CYLC2: variants seen among roughly 807,000 people sequenced by gnomAD.
CYLC2 encodes cylicin 2.
In CYLC2, 30 loss-of-function variants were observed where a neutral mutation model predicts 26.1. That is an observed-to-expected ratio of 1.15 (90% confidence interval 0.86 to 1.56). The LOEUF (loss-of-function observed/expected upper bound fraction) is 1.56, where lower values mean the gene tolerates loss of function less well. CYLC2 is among the 40% of genes most tolerant of loss of function. CYLC2 has a pLI of 0.00. For synonymous variants in CYLC2, 158 were observed against 132.8 expected (o/e 1.19, Z -1.31); for missense variants, 498 against 394.4 (o/e 1.26, Z -2.23).
chr9:103,013,757 T>C (rs1473053605), intron 6 of CYLC2, among the ~76,000 whole-genome samples: 3 of 111,322 alleles, frequency 2.7e-5, no homozygotes, highest in Non-Finnish European at 4.9e-5. Context: ...ATATTATATA[T>C]AATTATATTT....
Position 103,003,375 on chromosome 9 carries a change from T to C in CYLC2, c.180+112T>C, listed in dbSNP as rs1368162743. The C allele has an allele frequency of 5.4e-5, 50 of 931,926 alleles. 1 individual carries two copies. The highest frequency in any genetic ancestry group is 7.5e-5 in the Non-Finnish European group (48 of 636,226). The allele number at this position is 931,926 out of a possible 1,614,324, so 57.7% of individuals were successfully genotyped here. Reference sequence around the variant, plus strand: ...TTAAGTAATCACTAAGTAGTAAGCTTGTGAAATCATGTATAGTTGTATGTG... The same window carrying C: ...TTAAGTAATCACTAAGTAGTAAGCTCGTGAAATCATGTATAGTTGTATGTG... On this transcript the variant is annotated intron_variant, in intron 3 of 7. Transcript: ENST00000374798.
At chr9:103,003,598 A>G (rs1829310349) in intron 3 of CYLC2, among the ~76,000 whole-genome samples, 1 of 152,190 alleles carries the variant, frequency 6.6e-6, no homozygotes, top group African/African-American at 2.4e-5. Flanking sequence ...GAGATAATTC[A>G]AAGTCTACCA....
intron 7 of CYLC2, among the ~76,000 whole-genome samples, chr9:103,017,290 T>C (rs1225109887): frequency 6.6e-6 from 1 of 151,938 alleles, no homozygotes; most frequent in Non-Finnish European, 1.5e-5. Context: ...ATTCAAAAAA[T>C]ATTACAAAGT....
chr9:103,002,360 T>TCC (rs1829297045), intron 2 of CYLC2, among the ~76,000 whole-genome samples: 1 of 11,838 alleles, frequency 8.4e-5, no homozygotes. Context: ...TTGCCCCCTT[T>TCC]TTTTTTTTTT....
At chr9:103,007,147 T>G (rs886404183) in intron 5 of CYLC2, among the ~76,000 whole-genome samples, 11 of 152,234 alleles carry the variant, frequency 7.2e-5, no homozygotes, top group African/African-American at 2.4e-4. Context: ...TTTTAGAATT[T>G]TATGAAGTTT....
chr9:103,003,349 C>T (rs1287258836), intron 3 of CYLC2, 86 bp downstream of exon 3: 6 of 1,177,690 alleles, frequency 5.1e-6, no homozygotes, highest in Non-Finnish European at 7.2e-6. Flanking sequence ...TATAATTAGT[C>T]TTAAGTAATC....
intron 6 of CYLC2, among the ~76,000 whole-genome samples, chr9:103,013,156 T>TATATATTTA (rs1307625424): frequency 7.2e-5 from 8 of 111,240 alleles, no homozygotes; most frequent in East Asian, 2.6e-4. Context: ...CATATATAAA[T>TATATATTTA]ATATATTATA....
chr9:103,001,291 AT>A lies in CYLC2; in HGVS notation c.18-286del, dbSNP rs1213825701. ...TGTGCAATTTGCTTATACACACACA[AT>A]ACATATAAACAAATTGCACATCTGA... is the stretch of plus-strand genomic sequence containing the variant. On this transcript the variant is annotated intron_variant, in intron 1 of 7. Coordinates refer to ENST00000374798, the MANE Select transcript of CYLC2 (RefSeq NM_001340.5). Among the ~76,000 whole-genome samples, 11 of 11,028 alleles carry A rather than the reference AT, an allele frequency of 1.0e-3. No homozygotes were observed. In the East Asian group the frequency reaches 0.39, roughly 394 times the overall value. 7.2% of individuals were successfully genotyped at this position (11,028 alleles called of 152,430 possible).
intron 1 of CYLC2, among the ~76,000 whole-genome samples, chr9:102,998,772 T>C (rs2118222878): frequency 6.6e-6 from 1 of 152,070 alleles, no homozygotes; most frequent in East Asian, 1.9e-4. Flanking sequence ...TTCCAGTCAA[T>C]CCAACTTGCT....
intron 6 of CYLC2, among the ~76,000 whole-genome samples, chr9:103,015,973 T>C (rs935514289): frequency 1.3e-4 from 20 of 150,176 alleles, no homozygotes; most frequent in Non-Finnish European, 8.9e-5. Flanking sequence ...AATATGTAAG[T>C]ATATATACAT....
intron 1 of CYLC2, among the ~76,000 whole-genome samples, chr9:102,997,539 C>G (rs1829250047): frequency 6.6e-6 from 1 of 151,908 alleles, no homozygotes; most frequent in Non-Finnish European, 1.5e-5. Flanking sequence ...AGAAGAGAAG[C>G]TCAGGCTGCA....
In CYLC2 at chr9:103,009,629, C is replaced by T. The variant is rs1829385211; in HGVS notation, c.*701-2353C>T. The stretch of plus-strand genomic sequence containing the variant: ...ATGTACAGTTATTACTGACTATAGT[C>T]ATTCCAATGTGCTATCAAATAGTAG... On this transcript the variant is annotated intron_variant, in intron 5 of 7. Coordinates refer to ENST00000374798, the MANE Select transcript of CYLC2 (RefSeq NM_001340.5). 2.6e-5 allele frequency among the ~76,000 whole-genome samples: 4 copies of T among 152,092 alleles called. No homozygotes were observed. In the South Asian group the frequency reaches 8.3e-4, roughly 31 times the overall value.
rs2118236802 is a variant in CYLC2, at chr9:103,004,711, A to G, written c.197A>G (p.Gln66Arg). ...DNTVSIIDEE[Q>R]LRGDRRQPLW... ...ATCTTTCAGATAATTGATGAAGAAC[A>G]ATTAAGAGGAGATCGTAGACAACCA... is the stretch of plus-strand genomic sequence containing the variant. The change falls in exon 4 of 8, where the codon CAA becomes CGA. Residue 66 changes from glutamine (Q) to arginine (R), a missense_variant. Transcript: ENST00000374798. 1.3e-6 allele frequency: 2 copies of G among 1,591,914 alleles called. No individual in the cohort carries two copies.
chr9:103,009,762 C>A (rs949401655), intron 5 of CYLC2, among the ~76,000 whole-genome samples: 3 of 152,072 alleles, frequency 2.0e-5, no homozygotes, highest in African/African-American at 7.2e-5. Flanking sequence ...CCCTCTACCT[C>A]TATAGTTTGT....
At chr9:103,009,874 C>T (rs1425848341) in intron 5 of CYLC2, among the ~76,000 whole-genome samples, 2 of 151,194 alleles carry the variant, frequency 1.3e-5, no homozygotes, top group African/African-American at 4.9e-5. Context: ...ATATATATCA[C>T]ATATATACAA....
chr9:103,001,621 A>G lies in CYLC2; in HGVS notation c.58+3A>G. On this transcript the variant is annotated splice_donor_region_variant and intron_variant, in intron 2 of 7. Coordinates refer to ENST00000374798, the MANE Select transcript of CYLC2 (RefSeq NM_001340.5). ...GCCATATGATAATTACATTCCAGGT[A>G]AGAAAGCATTCAATATTTATTACAA... 6.4e-7 allele frequency: 1 copy of G among 1,552,980 alleles called. No homozygotes were observed. Among genetic ancestry groups the G allele is most frequent in the Non-Finnish European group, 8.9e-7 (1 of 1,128,190 alleles).
intron 3 of CYLC2, 110 bp downstream of exon 3, chr9:103,003,373 C>A: frequency 1.0e-6 from 1 of 976,436 alleles, no homozygotes; most frequent in Non-Finnish European, 1.5e-6. Flanking sequence ...AAGTAGTAAG[C>A]TTGTGAAATC....
At chr9:103,007,308 T>C (rs1043837712) in intron 5 of CYLC2, among the ~76,000 whole-genome samples, 1 of 152,038 alleles carries the variant, frequency 6.6e-6, no homozygotes, top group Non-Finnish European at 1.5e-5. Context: ...CAATTAAGCA[T>C]CCAAAGTTTT....
intron 6 of CYLC2, among the ~76,000 whole-genome samples, chr9:103,014,474 T>A (rs1272001778): frequency 7.2e-6 from 1 of 139,550 alleles, no homozygotes; most frequent in Non-Finnish European, 1.5e-5. Flanking sequence ...GTAATATACA[T>A]AATATGTATA....
Sources: allele counts gnomAD v4.1 joint callset (sites outside exome capture counted in the v4.1 genomes callset), GRCh38; gene constraint gnomAD v4.1.1; transcripts MANE v1.5; gene names NCBI Gene and HGNC (gene_info 2026-07-23, HGNC 2026-07-21).